The following MAPKAPK2 variants were observed in gnomAD, a reference collection of about 807,000 sequenced individuals.
MAPKAPK2 encodes the protein MAP kinase-activated protein kinase 2.
In MAPKAPK2, 9 loss-of-function variants were observed where a neutral mutation model predicts 48.8. The ratio of observed to expected loss-of-function variants is 0.18; its 90% confidence interval spans 0.11 to 0.32. The LOEUF (loss-of-function observed/expected upper bound fraction) is 0.32, where lower values mean the gene tolerates loss of function less well. MAPKAPK2 is among the 10% of genes least tolerant of loss of function. The pLI, the probability that MAPKAPK2 is intolerant of heterozygous loss-of-function variation, is 1.00. For missense variants in MAPKAPK2, 331 were observed against 498.3 expected (o/e 0.66, Z 3.20); for synonymous variants, 202 against 190.6 (o/e 1.06, Z -0.49).
In MAPKAPK2 at chr1:206,732,187, T is replaced by C. The variant is rs1673936920; in HGVS notation, c.1059+268T>C. The C allele has an allele frequency of 6.3e-7, 1 of 1,592,318 alleles. No homozygotes were observed. The highest frequency in any genetic ancestry group is 2.2e-5 in the East Asian group (1 of 44,496). On this transcript the variant is annotated intron_variant, in intron 9 of 9. Transcript: ENST00000367103. The surrounding 1 kb of genome is among the most constrained non-coding windows in gnomAD (Gnocchi z 4.4). ...ATGGGACCTTAAAGACCATCTGGTA[T>C]CATCTTCTCATTTTGCAGAAGAGAA...
In MAPKAPK2 at chr1:206,730,149, A is replaced by C. The variant is rs1553432436; in HGVS notation, c.691+51A>C. ...CTAGGCTTTTCCCAGAACTTTTCTC[A>C]GCCCCTCCTCTTGGCTATCTGGGGG... On this transcript the variant is annotated intron_variant, in intron 5 of 9. Transcript: ENST00000367103. The C allele has an allele frequency of 8.7e-6, 14 of 1,610,062 alleles. No homozygotes were observed. The South Asian group carries it at 1.4e-4, about 16-fold the overall frequency.
At chr1:206,715,629 C>CTTTTTT (rs11349381) in intron 1 of MAPKAPK2, among the ~76,000 whole-genome samples, 2 of 131,572 alleles carry the variant, frequency 1.5e-5, no homozygotes, top group Non-Finnish European at 3.2e-5. Context: ...TTCTTTCTTT[C>CTTTTTT]TTTTTTTTTT....
chr1:206,720,641 GAGCCACTATGGCC>G (rs1673484991), intron 1 of MAPKAPK2, among the ~76,000 whole-genome samples: 1 of 152,166 alleles, frequency 6.6e-6, no homozygotes, highest in South Asian at 2.1e-4. Flanking sequence ...TTATAGATGT[GAGCCACTATGGCC>G]AGCCCCTATG....
At chr1:206,695,851 C>A (rs1672606278) in intron 1 of MAPKAPK2, 2 of 520,452 alleles carry the variant, frequency 3.8e-6, no homozygotes, top group Admixed American at 3.2e-5. Context: ...TGGCAACCCC[C>A]CTTCCTGCGG....
At chr1:206,730,487 G>T (rs1173052778) in intron 5 of MAPKAPK2, among the ~76,000 whole-genome samples, 1 of 152,224 alleles carries the variant, frequency 6.6e-6, no homozygotes, top group Non-Finnish European at 1.5e-5. Context: ...AGAATCTTAA[G>T]CTCCTAGTTC....
In MAPKAPK2 at chr1:206,732,358, C is replaced by T. The variant is rs1340186786; in HGVS notation, c.1060-217C>T. 2.1e-6 allele frequency: 3 copies of T among 1,445,498 alleles called. No individual in the cohort carries two copies. Among genetic ancestry groups the T allele is most frequent in the South Asian group, 1.5e-5 (1 of 66,634 alleles). 89.5% of individuals were successfully genotyped at this position (1,445,498 alleles called of 1,614,324 possible). ...TCACTGGGGGGCTCTCAGGGAACAG[C>T]AGCAGTGCCATAGCCAGGCTCTCTG... On this transcript the variant is annotated intron_variant, in intron 9 of 9. Coordinates refer to ENST00000367103, the MANE Select transcript of MAPKAPK2 (RefSeq NM_032960.4). This position sits in a 1 kb window ranked among gnomAD's most constrained non-coding sequence, Gnocchi z 4.4.
At position 206,731,402 on chromosome 1, in the gene MAPKAPK2, G is replaced by T; in HGVS notation, c.892+140G>T. 1 of 1,461,560 alleles carries T rather than the reference G, an allele frequency of 6.8e-7. No individual in the cohort carries two copies. The highest frequency in any genetic ancestry group is 1.4e-5 in the African/African-American group (1 of 71,596). The allele number at this position is 1,461,560 out of a possible 1,614,324, so 90.5% of individuals were successfully genotyped here. ...TGGGTTAGCACCTATGCCCACGCCT[G>T]CGGGGTGCGTCCTGCTTCATTTTGC... On this transcript the variant is annotated intron_variant, in intron 7 of 9. Coordinates refer to ENST00000367103, the MANE Select transcript of MAPKAPK2 (RefSeq NM_032960.4). This position sits in a 1 kb window ranked among gnomAD's most constrained non-coding sequence, Gnocchi z 5.9.
rs1025160415 is a variant in MAPKAPK2 at position 206,696,106 on chromosome 1, C to A, written c.279+10598C>A. On this transcript the variant is annotated intron_variant, in intron 1 of 9. Coordinates refer to ENST00000367103, the MANE Select transcript of MAPKAPK2 (RefSeq NM_032960.4). ...CTTCACCTTCATCCTACCAGTCACA[C>A]GGCAGATGATTTCTTTGCCAGAAAG... The A allele has an allele frequency of 2.2e-6, 3 of 1,351,254 alleles. No individual in the cohort carries two copies. In the East Asian group the frequency reaches 6.9e-5, roughly 31 times the overall value. 83.7% of individuals were successfully genotyped at this position (1,351,254 alleles called of 1,614,324 possible).
chr1:206,725,254 G>C (rs1673667354), intron 1 of MAPKAPK2, among the ~76,000 whole-genome samples: 1 of 152,196 alleles, frequency 6.6e-6, no homozygotes, highest in Non-Finnish European at 1.5e-5. Flanking sequence ...AATTCAGGGG[G>C]TGCTAAGGAG....
rs1674040268 is a variant in MAPKAPK2, at chr1:206,734,141, C to T, written c.*1423C>T. 6.5e-6 allele frequency: 1 copy of T among 152,778 alleles called. No homozygotes were observed. Among genetic ancestry groups the T allele is most frequent in the South Asian group, 2.1e-4 (1 of 4,828 alleles). The allele number at this position is 152,778 out of a possible 1,614,324, so 9.5% of individuals were successfully genotyped here. On this transcript the variant is annotated 3_prime_UTR_variant, in exon 10 of 10. Transcript: ENST00000367103. ...CAGGGGCAGGTGGTGGAGGGGCGCC[C>T]AGGGTCGTCTTTGTGTATGGGGGAA... is the stretch of plus-strand genomic sequence containing the variant.
intron 1 of MAPKAPK2, among the ~76,000 whole-genome samples, chr1:206,724,000 G>A (rs1319918475): frequency 1.3e-5 from 2 of 152,248 alleles, no homozygotes; most frequent in Non-Finnish European, 2.9e-5. Context: ...GTGGGGCTGA[G>A]GTGAGTCACA....
At chr1:206,715,051 T>C (rs782145280) in intron 1 of MAPKAPK2, among the ~76,000 whole-genome samples, 15 of 152,164 alleles carry the variant, frequency 9.9e-5, no homozygotes, top group Non-Finnish European at 1.8e-4. Flanking sequence ...TTCTGCATCC[T>C]GGGATGTAAT....
At chr1:206,687,698 A>G (rs1672328517) in intron 1 of MAPKAPK2, among the ~76,000 whole-genome samples, 2 of 152,238 alleles carry the variant, frequency 1.3e-5, no homozygotes, top group Admixed American at 1.3e-4. Flanking sequence ...CTAGATCTTG[A>G]ATTTTGATTA....
intron 1 of MAPKAPK2, among the ~76,000 whole-genome samples, chr1:206,722,269 A>G (rs1673543959): frequency 6.6e-6 from 1 of 152,150 alleles, no homozygotes; most frequent in African/African-American, 2.4e-5. Flanking sequence ...CTGAGGCAGG[A>G]GAATGGCGTG....
intron 1 of MAPKAPK2, among the ~76,000 whole-genome samples, chr1:206,693,235 T>G (rs1553426529): frequency 6.6e-6 from 1 of 152,056 alleles, no homozygotes; most frequent in African/African-American, 2.4e-5. Context: ...GCCGAACAGC[T>G]AAAAATAAAC....
In MAPKAPK2 at chr1:206,732,107, T is replaced by C; in HGVS notation, c.1059+188T>C. 1 of 1,614,214 alleles carries C rather than the reference T, an allele frequency of 6.2e-7. No individual in the cohort carries two copies. The highest frequency in any genetic ancestry group is 1.1e-5 in the South Asian group (1 of 91,082). On this transcript the variant is annotated intron_variant, in intron 9 of 9. Transcript: ENST00000367103. The surrounding 1 kb of genome is among the most constrained non-coding windows in gnomAD (Gnocchi z 4.4). ...CAGGTTGTGAGCAGAGGATTCTGTG[T>C]TCCTGTCCAAACTCAGTGCTGTTTC... is the stretch of plus-strand genomic sequence containing the variant.
At position 206,704,429 on chromosome 1, in the gene MAPKAPK2, G is replaced by A. The variant is rs6691678; in HGVS notation, c.279+18921G>A. The stretch of plus-strand genomic sequence containing the variant: ...GTGGCTCAGCTCACCCAGACCATGT[G>A]TGATGGTTATGGTGGTGACTTCTCA... On this transcript the variant is annotated intron_variant, in intron 1 of 9. Coordinates refer to ENST00000367103, the MANE Select transcript of MAPKAPK2 (RefSeq NM_032960.4). This position sits in a 1 kb window ranked among gnomAD's most constrained non-coding sequence, Gnocchi z 4.3. Among the ~76,000 whole-genome samples the A allele has an allele frequency of 0.21, 31,257 of 152,148 alleles. 3,294 individuals carry two copies. Among genetic ancestry groups the A allele is most frequent in the Middle Eastern group, 0.31 (92 of 294 alleles).
intron 1 of MAPKAPK2, among the ~76,000 whole-genome samples, chr1:206,691,968 AT>A (rs1672475366): frequency 1.3e-5 from 2 of 152,228 alleles, no homozygotes; most frequent in African/African-American, 4.8e-5. Flanking sequence ...AGACTACGTA[AT>A]TTAGCAGGGT....
At chr1:206,702,829 G>A (rs1553428092) in intron 1 of MAPKAPK2, among the ~76,000 whole-genome samples, 1 of 152,150 alleles carries the variant, frequency 6.6e-6, no homozygotes, top group Non-Finnish European at 1.5e-5. Context: ...TCTTCTCTTG[G>A]ATCTTACATT....
Sources: gnomAD v4.1 joint callset for allele counts (sites outside exome capture counted in the v4.1 genomes callset) on GRCh38, gnomAD v4.1.1 for gene constraint, Gnocchi (gnomAD v3.1) non-coding constraint, MANE v1.5 for transcripts, NCBI Gene and HGNC (gene_info 2026-07-23, HGNC 2026-07-21) for gene names.